KATNBL1: variants seen among roughly 807,000 people sequenced by gnomAD.
KATNBL1 encodes the protein KATNB1-like protein 1.
Under a neutral mutation model 44.7 loss-of-function variants are expected in KATNBL1, and 28 were observed. The ratio of observed to expected loss-of-function variants is 0.63; its 90% CI spans 0.46 to 0.86. The LOEUF (loss-of-function observed/expected upper bound fraction) is 0.86, where lower values mean the gene tolerates loss of function less well. Among genes scored for constraint, KATNBL1 ranks in the 40% least tolerant of loss-of-function variants. The probability of loss-of-function intolerance (pLI) is 0.00; values close to 1 mark genes in which losing one functional copy is unlikely to be tolerated. For missense variants in KATNBL1, 272 were observed against 350.7 expected (o/e 0.78, Z 1.79); for synonymous variants, 78 against 114.9 (o/e 0.68, Z 2.06).
rs141160340 is a variant in KATNBL1 at position 34,208,506 on chromosome 15, C to T, written c.-15+1445G>A. 2.1e-3 allele frequency: 327 copies of T among 152,258 alleles called. 3 individuals carry two copies. Among genetic ancestry groups the T allele is most frequent in the African/African-American group, 7.6e-3 (315 of 41,530 alleles). 9.4% of individuals were successfully genotyped at this position (152,258 alleles called of 1,614,324 possible). A position where few individuals can be genotyped will look rare whatever the true frequency, so the allele number is the denominator to read the frequency against. Reference sequence around the variant, plus strand: ...ATAACCATTTCAAGTACAGAATAACCACTCAATAAGTTTTAGGGATGAAAA... The same window carrying T: ...ATAACCATTTCAAGTACAGAATAACTACTCAATAAGTTTTAGGGATGAAAA... On this transcript the variant is annotated intron_variant, in intron 1 of 9. Transcript: ENST00000256544.
intron 1 of KATNBL1, among the ~76,000 whole-genome samples, chr15:34,195,316 G>A (rs772105137): frequency 6.6e-6 from 1 of 152,172 alleles, no homozygotes; most frequent in Non-Finnish European, 1.5e-5. Context: ...GGAACTGGAG[G>A]CCATTATCTC....
intron 1 of KATNBL1, among the ~76,000 whole-genome samples, chr15:34,182,178 A>C (rs575331704): frequency 6.6e-6 from 1 of 151,980 alleles, no homozygotes; most frequent in South Asian, 2.1e-4. Context: ...CCCAATTAAT[A>C]TGAGAGATTA....
Position 34,142,067 on chromosome 15 carries a change from A to G in KATNBL1, c.*272T>C, listed in dbSNP as rs1474650689. 1 of 285,406 alleles carries G rather than the reference A, an allele frequency of 3.5e-6. No individual in the cohort carries two copies. Among genetic ancestry groups the G allele is most frequent in the Non-Finnish European group, 6.6e-6 (1 of 152,066 alleles). The allele number at this position is 285,406 out of a possible 1,614,324, so 17.7% of individuals were successfully genotyped here. ...GTTCTTAATGTTACCAAATAACCATATAACTCCCAAATGCAGCAAAGGTGA... is the reference window on the plus strand; with the variant it reads ...GTTCTTAATGTTACCAAATAACCATGTAACTCCCAAATGCAGCAAAGGTGA... On this transcript the variant is annotated 3_prime_UTR_variant, in exon 10 of 10. Coordinates refer to ENST00000256544, the MANE Select transcript of KATNBL1 (RefSeq NM_024713.3).
intron 3 of KATNBL1, among the ~76,000 whole-genome samples, chr15:34,153,457 A>G (rs138991961): frequency 4.9e-4 from 74 of 152,358 alleles, no homozygotes; most frequent in African/African-American, 1.7e-3. Flanking sequence ...AAGCTGAAGT[A>G]TATTGATTTA....
chr15:34,163,109 T>C (rs1332295130), intron 2 of KATNBL1, among the ~76,000 whole-genome samples: 2 of 150,664 alleles, frequency 1.3e-5, no homozygotes, highest in African/African-American at 2.4e-5. Context: ...AATGGCGCGA[T>C]CTCAGCTCAC....
intron 1 of KATNBL1, among the ~76,000 whole-genome samples, chr15:34,195,432 G>T (rs1179004012): frequency 6.6e-6 from 1 of 152,108 alleles, no homozygotes; most frequent in Non-Finnish European, 1.5e-5. Context: ...ACTCAGAGAG[G>T]TAGGGGTGGG....
intron 9 of KATNBL1, among the ~76,000 whole-genome samples, chr15:34,144,489 T>C (rs1222452755): frequency 6.6e-6 from 1 of 151,440 alleles, no homozygotes; most frequent in Non-Finnish European, 1.5e-5. Flanking sequence ...CCATTTATGA[T>C]AGCAGTATGC....
intron 1 of KATNBL1, among the ~76,000 whole-genome samples, chr15:34,165,708 C>T (rs571273710): frequency 3.3e-5 from 5 of 152,190 alleles, no homozygotes; most frequent in Admixed American, 6.5e-5. Flanking sequence ...GCAGGAGAAT[C>T]GCTTGAACCC....
chr15:34,153,754 A>T (rs1182336436), intron 3 of KATNBL1, among the ~76,000 whole-genome samples: 2 of 152,112 alleles, frequency 1.3e-5, no homozygotes, highest in Admixed American at 6.5e-5. Flanking sequence ...TATTTTTAGT[A>T]GAGACAGGGT....
intron 2 of KATNBL1, among the ~76,000 whole-genome samples, chr15:34,161,242 A>G (rs1436418897): frequency 1.3e-5 from 2 of 152,048 alleles, no homozygotes; most frequent in African/African-American, 4.8e-5. Flanking sequence ...GTTACCTGGT[A>G]TGTGATTATT....
At chr15:34,149,408 A>G (rs1258060223) in intron 4 of KATNBL1, among the ~76,000 whole-genome samples, 3 of 152,000 alleles carry the variant, frequency 2.0e-5, no homozygotes, top group Admixed American at 2.0e-4. Flanking sequence ...ACATTTTTCA[A>G]TGTCAAAACA....
At chr15:34,174,844 G>C (rs958397198) in intron 1 of KATNBL1, among the ~76,000 whole-genome samples, 3 of 151,958 alleles carry the variant, frequency 2.0e-5, no homozygotes, top group African/African-American at 7.2e-5. Flanking sequence ...GTTTCGCCAC[G>C]TTAGCTAGGC....
At chr15:34,192,034 G>A (rs143153108) in intron 1 of KATNBL1, among the ~76,000 whole-genome samples, 15 of 151,460 alleles carry the variant, frequency 9.9e-5, no homozygotes, top group African/African-American at 2.9e-4. Flanking sequence ...GAGTATCAAC[G>A]AAGTAAGATA....
intron 1 of KATNBL1, among the ~76,000 whole-genome samples, chr15:34,176,834 G>A (rs906809256): frequency 2.0e-5 from 3 of 152,172 alleles, no homozygotes; most frequent in Admixed American, 6.5e-5. Flanking sequence ...TTTGTTTCAT[G>A]TCTCATATAT....
chr15:34,168,070 T>A (rs1220239487), intron 1 of KATNBL1, among the ~76,000 whole-genome samples: 2 of 152,124 alleles, frequency 1.3e-5, no homozygotes, highest in Admixed American at 6.5e-5. Context: ...AATGACAGGA[T>A]CAAATTCATA....
chr15:34,169,812 G>A (rs1889103338), intron 1 of KATNBL1, among the ~76,000 whole-genome samples: 1 of 152,082 alleles, frequency 6.6e-6, no homozygotes, highest in South Asian at 2.1e-4. Context: ...GTAATCCATC[G>A]CATAAACAGA....
At chr15:34,163,232 C>T (rs1418135783) in intron 2 of KATNBL1, among the ~76,000 whole-genome samples, 1 of 151,654 alleles carries the variant, frequency 6.6e-6, no homozygotes, top group Non-Finnish European at 1.5e-5. Context: ...TTAGTAGACA[C>T]AGGGTTTCAC....
rs947192821 is a variant in KATNBL1, at chr15:34,206,307, T to C, written c.-15+3644A>G. On this transcript the variant is annotated intron_variant, in intron 1 of 9. Transcript: ENST00000256544. ...TATATAAAACTGAAGGAGAGAGAGG[T>C]AGTTACAGGAAGCAAAAAAGGGAGT... is the stretch of plus-strand genomic sequence containing the variant. 2.6e-5 allele frequency among the ~76,000 whole-genome samples: 4 copies of C among 151,954 alleles called. No homozygotes were observed. In the East Asian group the frequency reaches 5.8e-4, roughly 22 times the overall value.
chr15:34,195,983 G>A (rs762997546), intron 1 of KATNBL1, among the ~76,000 whole-genome samples: 12 of 151,994 alleles, frequency 7.9e-5, no homozygotes, highest in African/African-American at 2.4e-4. Flanking sequence ...TTTAAACTAC[G>A]TGTGCATGCT....
Sources: allele counts gnomAD v4.1 joint callset (sites outside exome capture counted in the v4.1 genomes callset), GRCh38; gene constraint gnomAD v4.1.1; transcripts MANE v1.5; gene names NCBI Gene and HGNC (gene_info 2026-07-23, HGNC 2026-07-21).